The following DNMT1 variants were observed in gnomAD, a reference collection of about 807,000 sequenced individuals.
DNMT1 encodes DNA methyltransferase 1.
Under a neutral mutation model 205.3 loss-of-function variants are expected in DNMT1, and 24 were observed. That is an observed-to-expected ratio of 0.12 (90% confidence interval 0.08 to 0.16). The LOEUF is 0.16. Ranked by LOEUF, DNMT1 falls within the 10% of genes least tolerant of loss-of-function variation. The probability of loss-of-function intolerance (pLI) is 1.00; values close to 1 mark genes in which losing one functional copy is unlikely to be tolerated. For missense variants in DNMT1, 1,293 were observed against 2,177.7 expected, an observed-to-expected ratio of 0.59 and a Z score of 8.09; for synonymous variants, 817 against 839.8, an observed-to-expected ratio of 0.97 and a Z score of 0.47.
rs767889968 is a variant in DNMT1 at position 10,137,910 on chromosome 19, G to A, written c.4215C>T (p.Asn1405=). ...NGASALEISY[N]GEPQSWFQRQ... is the part of the protein sequence containing the mutation. ...TCTGGAACCAGGACTGAGGCTCCCC[G>A]TTGTAGGAGATCTCCAGTGCCGAGG... is the stretch of plus-strand genomic sequence containing the variant. The change falls in exon 36 of 41, where the codon AAC becomes AAT. Residue 1405 remains asparagine, a synonymous_variant. Coordinates refer to ENST00000359526, the MANE Select transcript of DNMT1 (RefSeq NM_001130823.3). This position sits in a 1 kb window ranked among gnomAD's most constrained non-coding sequence, Gnocchi z 6.4. 13 of 1,613,042 alleles carry A rather than the reference G, an allele frequency of 8.1e-6. No individual in the cohort carries two copies. Among genetic ancestry groups the A allele is most frequent in the Admixed American group, 3.3e-5 (2 of 59,910 alleles).
chr19:10,173,655 CT>C, intron 8 of DNMT1, among the ~76,000 whole-genome samples: 1 of 151,978 alleles, frequency 6.6e-6, no homozygotes, highest in East Asian at 1.9e-4. Flanking sequence ...CCACGCCCAG[CT>C]AAGTTTTGAA....
chr19:10,149,325 C>CAAAACAAAAAAA (rs1220847237), intron 26 of DNMT1, 128 bp downstream of exon 26: 1 of 1,137,926 alleles, frequency 8.8e-7, no homozygotes, highest in Non-Finnish European at 1.2e-6. Flanking sequence ...AACTCAGTCT[C>CAAAACAAAAAAA]AAAACAAAAA....
chr19:10,182,969 A>ATATATATATACACG (rs1353296942), intron 1 of DNMT1, among the ~76,000 whole-genome samples: 1 of 148,958 alleles, frequency 6.7e-6, no homozygotes, highest in Non-Finnish European at 1.5e-5. Context: ...TCTGGCATGC[A>ATATATATATACACG]TATATATATA....
intron 1 of DNMT1, among the ~76,000 whole-genome samples, chr19:10,182,382 T>TAC (rs1180404429): frequency 9.7e-5 from 14 of 144,204 alleles, no homozygotes; most frequent in African/African-American, 2.5e-4. Flanking sequence ...TGTATATATA[T>TAC]ACATATATAT....
chr19:10,162,841 A>G (rs2038603421), intron 12 of DNMT1, 93 bp from the exon 13 acceptor site: 2 of 1,386,766 alleles, frequency 1.4e-6, no homozygotes, highest in South Asian at 2.4e-5. Context: ...ATGCCTCCCC[A>G]TGGGAAAGCA....
rs11670357 is a variant in DNMT1 at position 10,173,655 on chromosome 19, C to T, written c.683+216G>A. 9.3e-3 allele frequency among the ~76,000 whole-genome samples: 1,415 copies of T among 152,092 alleles called. 19 individuals carry two copies. The highest frequency in any genetic ancestry group is 0.011 in the Non-Finnish European group (767 of 68,002). On this transcript the variant is annotated intron_variant, in intron 8 of 40. Coordinates refer to ENST00000359526, the MANE Select transcript of DNMT1 (RefSeq NM_001130823.3). Reference sequence around the variant, plus strand: ...TAAAGGCACATTCCACCACGCCCAGCTAAGTTTTGAATTTTTAGTAGAGAC... The same window carrying T: ...TAAAGGCACATTCCACCACGCCCAGTTAAGTTTTGAATTTTTAGTAGAGAC...
rs774240855 is a variant in DNMT1, at chr19:10,140,473, G to A, written c.3524-145C>T. 142 of 1,239,424 alleles carry A rather than the reference G, an allele frequency of 1.1e-4. No individual in the cohort carries two copies. The highest frequency in any genetic ancestry group is 5.4e-4 in the Middle Eastern group (2 of 3,718). 76.8% of individuals were successfully genotyped at this position (1,239,424 alleles called of 1,614,324 possible). A position where few individuals can be genotyped will look rare whatever the true frequency, so the allele number is the denominator to read the frequency against. ...CAAGCTCTGCCTCCCAGGTTCAAGC[G>A]ATTCTCCCACCTCAGCCTCCTGAGT... On this transcript the variant is annotated intron_variant, in intron 32 of 40. Coordinates refer to ENST00000359526, the MANE Select transcript of DNMT1 (RefSeq NM_001130823.3). The surrounding 1 kb of genome is among the most constrained non-coding windows in gnomAD (Gnocchi z 8.4).
At position 10,139,732 on chromosome 19, in the gene DNMT1, G is replaced by T; in HGVS notation, c.3892C>A (p.Leu1298Ile). 6.2e-7 allele frequency: 1 copy of T among 1,613,498 alleles called. No individual in the cohort carries two copies. ...VSFKRSMVLK[L>I]TLRCLVRMGY... ...ATGCGGACCAGGCAGCGGAGGGTGA[G>T]CTTCAGGACCATGGAGCGCTTGAAG... The change falls in exon 34 of 41, where the codon CTC becomes ATC. Residue 1298 changes from leucine (L) to isoleucine (I), a missense_variant. Coordinates refer to ENST00000359526, the MANE Select transcript of DNMT1 (RefSeq NM_001130823.3).
intron 24 of DNMT1, 106 bp from the exon 25 acceptor site, chr19:10,150,074 TAAG>T: frequency 1.0e-6 from 1 of 978,132 alleles, no homozygotes; most frequent in Non-Finnish European, 1.6e-6. Context: ...TCGATTTCAT[TAAG>T]AAGTCAATGA....
At chr19:10,174,917 T>G (rs1437519296) in intron 7 of DNMT1, among the ~76,000 whole-genome samples, 1 of 148,742 alleles carries the variant, frequency 6.7e-6, no homozygotes, top group Non-Finnish European at 1.5e-5. Flanking sequence ...TAGCCGGGCG[T>G]GGTGGCACGC....
At chr19:10,141,952 G>A in intron 30 of DNMT1, 76 bp downstream of exon 30, 1 of 1,557,886 alleles carries the variant, frequency 6.4e-7, no homozygotes, top group Non-Finnish European at 8.7e-7. Context: ...AAGCCGCCTT[G>A]TGTATAACCC....
intron 34 of DNMT1, among the ~76,000 whole-genome samples, chr19:10,139,359 T>G (rs2089556522): frequency 6.6e-6 from 1 of 152,202 alleles, no homozygotes; most frequent in African/African-American, 2.4e-5. Context: ...CATTCCACAG[T>G]GCTCCATGGT....
Position 10,137,245 on chromosome 19 carries a change from G to C in DNMT1, c.4329C>G (p.His1443Gln). The change falls in exon 37 of 41, where the codon CAC becomes CAG. Residue 1443 changes from histidine (H) to glutamine (Q), a missense_variant. Around this residue, in one of 13 missense-constraint regions of DNMT1, gnomAD observed 148 missense variants for 256.1 expected, o/e 0.58. Coordinates refer to ENST00000359526, the MANE Select transcript of DNMT1 (RefSeq NM_001130823.3). The surrounding 1 kb of genome is among the most constrained non-coding windows in gnomAD (Gnocchi z 6.4). ...AGTCTGACCCTGGGGCCAAGGGGAT[G>C]TGCCGCATGCGGGCAGCCACCAATG... is the stretch of plus-strand genomic sequence containing the variant. ...MSALVAARMR[H>Q]IPLAPGSDWR... 6.2e-7 allele frequency: 1 copy of C among 1,610,448 alleles called. No individual in the cohort carries two copies. The highest frequency in any genetic ancestry group is 8.5e-7 in the Non-Finnish European group (1 of 1,179,358).
At chr19:10,180,005 AAG>A (rs1491204624) in intron 5 of DNMT1, 180 bp downstream of exon 5, 4,331 of 198,964 alleles carry the variant, frequency 0.022, 10 homozygotes, top group East Asian at 0.061. Context: ...AAAAAAAAAA[AAG>A]AAAGAAAGAA....
Position 10,133,809 on chromosome 19 carries a change from G to A in DNMT1, c.4865-108C>T. Reference sequence around the variant, plus strand: ...CATCAGGAAACATTAACGTACTGATGTTAACAGCTGACCCAATAAGTGGCA... The same window carrying A: ...CATCAGGAAACATTAACGTACTGATATTAACAGCTGACCCAATAAGTGGCA... On this transcript the variant is annotated intron_variant, in intron 40 of 40. Coordinates refer to ENST00000359526, the MANE Select transcript of DNMT1 (RefSeq NM_001130823.3). The surrounding 1 kb of genome is among the most constrained non-coding windows in gnomAD (Gnocchi z 4.1). 8.3e-7 allele frequency: 1 copy of A among 1,210,998 alleles called. No homozygotes were observed. The highest frequency in any genetic ancestry group is 1.2e-6 in the Non-Finnish European group (1 of 837,600). 75.0% of individuals were successfully genotyped at this position (1,210,998 alleles called of 1,614,324 possible). A position where few individuals can be genotyped will look rare whatever the true frequency, so the allele number is the denominator to read the frequency against.
In DNMT1 at chr19:10,137,330, A is replaced by G; in HGVS notation, c.4294-50T>C. The stretch of plus-strand genomic sequence containing the variant: ...TGTCACCTCATGTGAGCAGCATCCG[A>G]GCATCCATGGTGGGCTGGGAGCTGG... On this transcript the variant is annotated intron_variant, in intron 36 of 40. Transcript: ENST00000359526. This position sits in a 1 kb window ranked among gnomAD's most constrained non-coding sequence, Gnocchi z 6.4. 1 of 1,559,892 alleles carries G rather than the reference A, an allele frequency of 6.4e-7. No individual in the cohort carries two copies. The highest frequency in any genetic ancestry group is 8.7e-7 in the Non-Finnish European group (1 of 1,153,998).
chr19:10,185,813 T>C (rs147643570), intron 1 of DNMT1, among the ~76,000 whole-genome samples: 2,027 of 138,542 alleles, frequency 0.015, 18 homozygotes, highest in Middle Eastern at 0.033. Flanking sequence ...CTGTTCAGCC[T>C]GGGCAACAGA....
intron 22 of DNMT1, among the ~76,000 whole-genome samples, chr19:10,153,643 TAAAAA>T (rs35281765): frequency 8.4e-6 from 1 of 119,392 alleles, no homozygotes; most frequent in African/African-American, 3.1e-5. Context: ...TCAAAAAAAT[TAAAAA>T]AAAAAAAAAA....
intron 1 of DNMT1, among the ~76,000 whole-genome samples, chr19:10,186,532 G>A (rs1188842403): frequency 1.3e-5 from 2 of 152,016 alleles, no homozygotes; most frequent in Non-Finnish European, 2.9e-5. Flanking sequence ...TCTGCAGAGG[G>A]GAGATAAGAT....
Sources: allele counts gnomAD v4.1 joint callset (sites outside exome capture counted in the v4.1 genomes callset), GRCh38; gene constraint gnomAD v4.1.1; regional missense constraint gnomAD v4.1.1; non-coding constraint Gnocchi (gnomAD v3.1); transcripts MANE v1.5; gene names NCBI Gene and HGNC (gene_info 2026-07-23, HGNC 2026-07-21).